Variants in ARHGAP15 observed in about 807,000 individuals in gnomAD.
ARHGAP15 encodes Rho GTPase activating protein 15, also known as rho GTPase-activating protein 15.
In ARHGAP15, 51 loss-of-function variants were observed where a neutral mutation model predicts 63.7. That is an observed-to-expected ratio of 0.80 (90% confidence interval 0.64 to 1.01). The LOEUF (loss-of-function observed/expected upper bound fraction) is 1.01, where lower values mean the gene tolerates loss of function less well. ARHGAP15 is among the 50% of genes least tolerant of loss of function. ARHGAP15 has a pLI of 0.00. For synonymous variants in ARHGAP15, 191 were observed against 193.8 expected (o/e 0.99, Z 0.12); for missense variants, 560 against 564.6 (o/e 0.99, Z 0.08).
intron 8 of ARHGAP15, among the ~76,000 whole-genome samples, chr2:143,451,772 A>G (rs1385097531): frequency 6.6e-6 from 1 of 151,950 alleles, no homozygotes; most frequent in Admixed American, 6.6e-5. Context: ...GCTTATCCGG[A>G]AATGACTAAG....
chr2:143,254,867 TAAAAAAA>T (rs10547943), intron 6 of ARHGAP15, among the ~76,000 whole-genome samples: 3 of 148,780 alleles, frequency 2.0e-5, no homozygotes, highest in African/African-American at 7.3e-5. Context: ...TCACTCCTAT[TAAAAAAA>T]AAAAAGTTAT....
chr2:143,501,904 C>A (rs1278122541), intron 9 of ARHGAP15, among the ~76,000 whole-genome samples: 2 of 152,158 alleles, frequency 1.3e-5, no homozygotes, highest in Non-Finnish European at 2.9e-5. Context: ...GGTTTCTCTA[C>A]TACAGCATGA....
chr2:143,490,496 A>T (rs1692540074), intron 9 of ARHGAP15, among the ~76,000 whole-genome samples: 1 of 152,232 alleles, frequency 6.6e-6, no homozygotes, highest in Admixed American at 6.5e-5. Context: ...CCCCAATATC[A>T]CACAATCTAA....
intron 12 of ARHGAP15, among the ~76,000 whole-genome samples, chr2:143,666,318 A>C (rs1192029048): frequency 1.3e-5 from 2 of 151,856 alleles, no homozygotes; most frequent in African/African-American, 4.8e-5. Context: ...AGCAATGGGG[A>C]AAGGATTCCC....
intron 6 of ARHGAP15, among the ~76,000 whole-genome samples, chr2:143,404,019 T>TC (rs1177282511): frequency 6.6e-6 from 1 of 151,590 alleles, no homozygotes; most frequent in Non-Finnish European, 1.5e-5. Flanking sequence ...AAATGGAAAA[T>TC]CCCCATAATG....
At chr2:143,446,770 C>G (rs1690159967) in intron 8 of ARHGAP15, among the ~76,000 whole-genome samples, 1 of 120,198 alleles carries the variant, frequency 8.3e-6, no homozygotes, top group East Asian at 3.0e-4. Flanking sequence ...CAATGCTATC[C>G]CTCCCCCCTC....
At chr2:143,645,825 A>T (rs977249418) in intron 12 of ARHGAP15, among the ~76,000 whole-genome samples, 81 of 152,166 alleles carry the variant, frequency 5.3e-4, no homozygotes, top group African/African-American at 1.7e-3. Context: ...TTTTTTAAAA[A>T]ATATTTTTTA....
At chr2:143,754,212 T>G (rs776333376) in intron 13 of ARHGAP15, among the ~76,000 whole-genome samples, 1 of 152,230 alleles carries the variant, frequency 6.6e-6, no homozygotes, top group Non-Finnish European at 1.5e-5. Flanking sequence ...ATACAGCGTT[T>G]CAACAAATAC....
chr2:143,696,088 G>C (rs915956929), intron 12 of ARHGAP15, among the ~76,000 whole-genome samples: 1 of 152,080 alleles, frequency 6.6e-6, no homozygotes, highest in African/African-American at 2.4e-5. Context: ...TCGTTGATTT[G>C]TATCAATTAC....
intron 8 of ARHGAP15, among the ~76,000 whole-genome samples, chr2:143,469,282 C>T (rs1691399888): frequency 6.6e-6 from 1 of 152,078 alleles, no homozygotes; most frequent in Non-Finnish European, 1.5e-5. Context: ...AGGTAGCATG[C>T]TAGAATAAAG....
chr2:143,468,655 AGAGAGAGAGT>A (rs1445148604), intron 8 of ARHGAP15, among the ~76,000 whole-genome samples: 5 of 128,208 alleles, frequency 3.9e-5, no homozygotes, highest in East Asian at 2.8e-4. Flanking sequence ...AGAGAGAGAG[AGAGAGAGAGT>A]GTGTGTGTGT....
At chr2:143,529,375 T>C (rs982878820) in intron 10 of ARHGAP15, among the ~76,000 whole-genome samples, 1 of 152,116 alleles carries the variant, frequency 6.6e-6, no homozygotes, top group Non-Finnish European at 1.5e-5. Context: ...TACTTCCTTT[T>C]GAGATAAATC....
intron 13 of ARHGAP15, among the ~76,000 whole-genome samples, chr2:143,743,169 G>A (rs560489592): frequency 6.3e-4 from 96 of 152,290 alleles, no homozygotes; most frequent in African/African-American, 2.2e-3. Flanking sequence ...CAGGTGAGCC[G>A]GGTTTAAACC....
intron 8 of ARHGAP15, among the ~76,000 whole-genome samples, chr2:143,460,924 G>A (rs561740826): frequency 6.6e-6 from 1 of 152,040 alleles, no homozygotes; most frequent in Non-Finnish European, 1.5e-5. Flanking sequence ...TGGGAATAGA[G>A]GCCCCTTCTG....
intron 2 of ARHGAP15, among the ~76,000 whole-genome samples, chr2:143,173,595 T>A (rs577103946): frequency 6.6e-6 from 1 of 152,146 alleles, no homozygotes; most frequent in East Asian, 1.9e-4. Flanking sequence ...TACACACAGA[T>A]AATAAAGATA....
At chr2:143,619,788 G>C (rs902370733) in intron 11 of ARHGAP15, among the ~76,000 whole-genome samples, 2 of 152,098 alleles carry the variant, frequency 1.3e-5, no homozygotes, top group Admixed American at 6.6e-5. Context: ...ACTCCTCTCT[G>C]CTGCTGGCCA....
intron 12 of ARHGAP15, among the ~76,000 whole-genome samples, chr2:143,625,999 G>A (rs1050817183): frequency 6.6e-6 from 1 of 152,224 alleles, no homozygotes; most frequent in African/African-American, 2.4e-5. Flanking sequence ...CAGGCCCTCC[G>A]AATCCACATG....
intron 8 of ARHGAP15, among the ~76,000 whole-genome samples, chr2:143,480,329 T>C (rs1692019902): frequency 6.6e-6 from 1 of 152,224 alleles, no homozygotes; most frequent in Non-Finnish European, 1.5e-5. Context: ...TGGTTAGATT[T>C]AACTACTTAA....
rs148645860 is a variant in ARHGAP15 at position 143,498,921 on chromosome 2, A to C, written c.826+11426A>C. On this transcript the variant is annotated intron_variant, in intron 9 of 13. Transcript: ENST00000295095. Reference sequence around the variant, plus strand: ...TCAAAGATCCAGAACATATGGTGGAAAGAGTTTTCTTATAAAAGGCAGCCA... The same window carrying C: ...TCAAAGATCCAGAACATATGGTGGACAGAGTTTTCTTATAAAAGGCAGCCA... Among the ~76,000 whole-genome samples, 5 of 152,306 alleles carry C rather than the reference A, an allele frequency of 3.3e-5. No individual in the cohort carries two copies. The East Asian group carries it at 7.7e-4, about 23-fold the overall frequency.
Sources: allele counts gnomAD v4.1 joint callset (sites outside exome capture counted in the v4.1 genomes callset), GRCh38; gene constraint gnomAD v4.1.1; transcripts MANE v1.5; gene names NCBI Gene and HGNC (gene_info 2026-07-23, HGNC 2026-07-21).